LRRC43: variants seen among roughly 807,000 people sequenced by gnomAD.
LRRC43 encodes the protein leucine rich repeat containing 43.
LRRC43 carries 62 observed loss-of-function variants against 64.3 expected under a neutral mutation model. The observed-to-expected ratio is 0.96, with a 90% CI of 0.79 to 1.19. The LOEUF is 1.19. Among genes scored for constraint, LRRC43 ranks in the 50% most tolerant of loss-of-function variants. The pLI is 0.00. For missense variants in LRRC43, 868 were observed against 845.0 expected, an observed-to-expected ratio of 1.03 and a Z score of -0.34; for synonymous variants, 422 against 382.3, an observed-to-expected ratio of 1.10 and a Z score of -1.21.
chr12:122,187,816 GTC>G lies in LRRC43; in HGVS notation c.642_643del (p.Tyr215ArgfsTer4), dbSNP rs766176761. On this transcript the variant is annotated frameshift_variant, in exon 4 of 12. Coordinates refer to ENST00000339777, the MANE Select transcript of LRRC43 (RefSeq NM_001098519.2). LOFTEE classifies it high-confidence loss of function. ...AACAAACTTCTAGGCCCCTTGGAAA[GTC>G]TCTACGTCACCGCTAATCACTGGTA... is the stretch of plus-strand genomic sequence containing the variant. 10 of 1,613,990 alleles carry G rather than the reference GTC, an allele frequency of 6.2e-6. No individual in the cohort carries two copies. The East Asian group carries it at 2.0e-4, about 32-fold the overall frequency.
At chr12:122,173,833 A>G (rs779264886) in intron 1 of LRRC43, 3 of 1,611,690 alleles carry the variant, frequency 1.9e-6, no homozygotes, top group East Asian at 4.5e-5. Context: ...AGAAATCTCT[A>G]GGACACTCAC....
intron 4 of LRRC43, among the ~76,000 whole-genome samples, chr12:122,188,205 C>G (rs960099569): frequency 3.3e-5 from 5 of 152,116 alleles, no homozygotes; most frequent in African/African-American, 9.6e-5. Flanking sequence ...CTGCCGGGTT[C>G]ACGCCATTCT....
Position 122,188,803 on chromosome 12 carries a change from C to T in LRRC43, c.662+963C>T, listed in dbSNP as rs140795836. ...CTCGTTGGCATCGGAACCCCATCACCCTTTGATGTGGGGCTGTCCTGGGCA... is the reference window on the plus strand; with the variant it reads ...CTCGTTGGCATCGGAACCCCATCACTCTTTGATGTGGGGCTGTCCTGGGCA... On this transcript the variant is annotated intron_variant, in intron 4 of 11. Coordinates refer to ENST00000339777, the MANE Select transcript of LRRC43 (RefSeq NM_001098519.2). Among the ~76,000 whole-genome samples, 626 of 152,290 alleles carry T rather than the reference C, an allele frequency of 4.1e-3. 4 individuals are homozygous for T. Among genetic ancestry groups the T allele is most frequent in the African/African-American group, 0.015 (606 of 41,566 alleles).
chr12:122,188,895 G>A (rs1363086219), intron 4 of LRRC43, among the ~76,000 whole-genome samples: 1 of 152,140 alleles, frequency 6.6e-6, no homozygotes, highest in Admixed American at 6.6e-5. Context: ...CCCATTAGTT[G>A]TGACAAACAA....
intron 1 of LRRC43, among the ~76,000 whole-genome samples, chr12:122,168,697 G>A (rs772646282): frequency 2.6e-5 from 4 of 152,142 alleles, no homozygotes; most frequent in Admixed American, 6.6e-5. Flanking sequence ...AACTGTGCAC[G>A]TTTATAAAAA....
At chr12:122,179,579 T>C (rs886915020), upstream of LRRC43, among the ~76,000 whole-genome samples, 2 of 151,944 alleles carry the variant, frequency 1.3e-5, no homozygotes, top group East Asian at 3.9e-4. Context: ...AGATGAGCAG[T>C]GTGAGGTGTG....
chr12:122,177,391 C>T (rs1452900961), intron 1 of LRRC43, among the ~76,000 whole-genome samples: 1 of 151,984 alleles, frequency 6.6e-6, no homozygotes, highest in Non-Finnish European at 1.5e-5. Flanking sequence ...CCAGCCAGCA[C>T]CTTTATTTCA....
upstream of LRRC43, among the ~76,000 whole-genome samples, chr12:122,182,203 C>T (rs972964619): frequency 2.6e-5 from 4 of 151,506 alleles, no homozygotes; most frequent in Non-Finnish European, 5.9e-5. Flanking sequence ...ACCTGGGCAA[C>T]ATGGTGAAAC....
In LRRC43 at chr12:122,200,604, G is replaced by C. The variant is rs1480871871; in HGVS notation, c.1564G>C (p.Asp522His). 1 of 1,614,174 alleles carries C rather than the reference G, an allele frequency of 6.2e-7. No homozygotes were observed. Among genetic ancestry groups the C allele is most frequent in the Admixed American group, 1.7e-5 (1 of 60,022 alleles). The change falls in exon 9 of 12, where the codon GAC becomes CAC. Residue 522 changes from aspartate to histidine, a missense_variant. By Grantham distance (81) the Asp-to-His change is moderately conservative. Transcript: ENST00000339777. The surrounding 1 kb of genome is among the most constrained non-coding windows in gnomAD (Gnocchi z 4.6). The stretch of plus-strand genomic sequence containing the variant: ...TGCCAAGAAAGGAAAGGGGGAGAAA[G>C]ACAAGAAAGGGAAGGAGAAAGACAG... The part of the protein sequence containing the change: ...LSAKKGKGEK[D>H]KKGKEKDRTG...
At position 122,176,129 on chromosome 12, in the gene LRRC43, T is replaced by C. The variant is rs368115525; in HGVS notation, c.-406+8347T>C. Among the ~76,000 whole-genome samples the C allele has an allele frequency of 3.9e-5, 6 of 152,234 alleles. No individual in the cohort carries two copies. The East Asian group carries it at 1.2e-3, about 29-fold the overall frequency. On this transcript the variant is annotated intron_variant, in intron 1 of 5. Coordinates refer to the LRRC43 transcript ENST00000537729. Reference sequence around the variant, plus strand: ...AATAAGCTAGAAAGCACTGTGACGGTTGGAGAGTGACGGGCAGGATACTTT... The same window carrying C: ...AATAAGCTAGAAAGCACTGTGACGGCTGGAGAGTGACGGGCAGGATACTTT...
chr12:122,187,864 AG>A, intron 4 of LRRC43, 24 bp downstream of exon 4: 1 of 1,612,602 alleles, frequency 6.2e-7, no homozygotes, highest in Non-Finnish European at 8.5e-7. Context: ...CCAGATGGAA[AG>A]TGAGAGGGAG....
At chr12:122,190,407 C>A in intron 5 of LRRC43, 39 bp downstream of exon 5, 2 of 1,531,358 alleles carry the variant, frequency 1.3e-6, no homozygotes, top group Non-Finnish European at 9.0e-7. Context: ...TGGCATGTGA[C>A]ACCCCAGCCT....
chr12:122,191,665 T>A lies in LRRC43; in HGVS notation c.1089+98T>A, dbSNP rs190180441. 2.4e-3 allele frequency: 2,335 copies of A among 956,102 alleles called. 6 individuals are homozygous for A. Among genetic ancestry groups the A allele is most frequent in the Non-Finnish European group, 2.9e-3 (1,904 of 664,220 alleles). The allele number at this position is 956,102 out of a possible 1,614,324, so 59.2% of individuals were successfully genotyped here. A position where few individuals can be genotyped will look rare whatever the true frequency, so the allele number is the denominator to read the frequency against. ...AATCCTTTTAATTAATTAATTAATT[T>A]ATTTATTGAGGAGGAGTCTCGCTCT... On this transcript the variant is annotated intron_variant, in intron 6 of 11. Transcript: ENST00000339777.
At chr12:122,169,542 C>A (rs954254721) in intron 1 of LRRC43, among the ~76,000 whole-genome samples, 1 of 151,618 alleles carries the variant, frequency 6.6e-6, no homozygotes, top group African/African-American at 2.4e-5. Context: ...GGTGAAACCC[C>A]GTCTCTACTA....
intron 6 of LRRC43, among the ~76,000 whole-genome samples, chr12:122,192,517 C>T (rs938902374): frequency 6.6e-6 from 1 of 152,214 alleles, no homozygotes. Context: ...CAGGAGAAAC[C>T]TGTCTCCTCC....
In LRRC43 at chr12:122,203,458, G is replaced by A. The variant is rs1225118091; in HGVS notation, c.*16G>A. The A allele has an allele frequency of 1.2e-6, 2 of 1,600,346 alleles. No homozygotes were observed. Among genetic ancestry groups the A allele is most frequent in the African/African-American group, 1.3e-5 (1 of 74,628 alleles). On this transcript the variant is annotated 3_prime_UTR_variant, in exon 12 of 12. Coordinates refer to ENST00000339777, the MANE Select transcript of LRRC43 (RefSeq NM_001098519.2). ...CGCCGTGTAGGGCGTGGGCAGTAAA[G>A]GCTGTTCCCAGCACTCCCGCCTCCG... is the stretch of plus-strand genomic sequence containing the variant.
rs776250496 is a variant in LRRC43 at position 122,192,870 on chromosome 12, G to A, written c.1215G>A (p.Glu405=). Residue 405 remains glutamate, a synonymous_variant, in exon 7 of 12, where the codon GAG becomes GAA. Coordinates refer to ENST00000339777, the MANE Select transcript of LRRC43 (RefSeq NM_001098519.2). ...AGGTCGAAGGGTCTCTGGAGTCTGA[G>A]GTGGAGGAGTCAGGAGAGTCGGAGC... ...TEEVEGSLES[E]VEESGESELS... 2 of 1,614,120 alleles carry A rather than the reference G, an allele frequency of 1.2e-6. No homozygotes were observed. The highest frequency in any genetic ancestry group is 1.7e-6 in the Non-Finnish European group (2 of 1,180,036).
intron 5 of LRRC43, among the ~76,000 whole-genome samples, chr12:122,190,898 G>C (rs906532068): frequency 6.6e-6 from 1 of 151,418 alleles, no homozygotes; most frequent in African/African-American, 2.4e-5. Flanking sequence ...GAGCCCAGGA[G>C]GTGGAGGCTG....
In LRRC43 at chr12:122,200,258, C is replaced by G; in HGVS notation, c.1419C>G (p.His473Gln). The change falls in exon 8 of 12, where the codon CAC becomes CAG. Residue 473 changes from histidine (H) to glutamine (Q), a missense_variant. Coordinates refer to ENST00000339777, the MANE Select transcript of LRRC43 (RefSeq NM_001098519.2). This position sits in a 1 kb window ranked among gnomAD's most constrained non-coding sequence, Gnocchi z 4.6. ...EVIPCSYEMQ[H>Q]SLRDLVPLKA... ...TCCCCTGCAGTTACGAGATGCAGCA[C>G]TCTCTCAGGGACCTGGTCCCACTGA... 1 of 1,614,050 alleles carries G rather than the reference C, an allele frequency of 6.2e-7. No homozygotes were observed.
Sources: gnomAD v4.1 joint callset for allele counts (sites outside exome capture counted in the v4.1 genomes callset) on GRCh38, gnomAD v4.1.1 for gene constraint, Gnocchi (gnomAD v3.1) non-coding constraint, MANE v1.5 for transcripts, NCBI Gene and HGNC (gene_info 2026-07-23, HGNC 2026-07-21) for gene names.